The following PDE4D variants were observed in gnomAD, a reference collection of about 807,000 sequenced individuals.
PDE4D encodes 3',5'-cyclic-AMP phosphodiesterase 4D.
In PDE4D, 24 loss-of-function variants were observed where a neutral mutation model predicts 87.4. That is an observed-to-expected ratio of 0.27 (90% CI 0.20 to 0.39). The LOEUF is 0.39. Ranked by LOEUF, PDE4D falls within the 10% of genes least tolerant of loss-of-function variation. The pLI, the probability that PDE4D is intolerant of heterozygous loss-of-function variation, is 1.00. For missense variants in PDE4D, 714 were observed against 1,041.0 expected, an observed-to-expected ratio of 0.69 and a Z score of 4.32; for synonymous variants, 384 against 383.2, an observed-to-expected ratio of 1.00 and a Z score of -0.02.
At chr5:59,215,589 T>G (rs969898649) in intron 2 of PDE4D, 188 bp downstream of exon 2, 5 of 528,156 alleles carry the variant, frequency 9.5e-6, no homozygotes, top group South Asian at 2.0e-5. Flanking sequence ...GTGTGTGTGT[T>G]AATCAAGAGT....
In PDE4D at chr5:59,270,067, G is replaced by T. The variant is rs71626147; in HGVS notation, c.456-54099C>A. ...GACTTTAAAGAGTAAACCTATCTGTGATCCACTCTGTGTCTTTCTAGTTAT... is the reference window on the plus strand; with the variant it reads ...GACTTTAAAGAGTAAACCTATCTGTTATCCACTCTGTGTCTTTCTAGTTAT... On this transcript the variant is annotated intron_variant, in intron 1 of 14. Transcript: ENST00000340635. 9.9e-3 allele frequency among the ~76,000 whole-genome samples: 1,509 copies of T among 152,132 alleles called. 9 individuals are homozygous for T. Among genetic ancestry groups the T allele is most frequent in the Non-Finnish European group, 0.016 (1,054 of 67,990 alleles).
intron 1 of PDE4D, among the ~76,000 whole-genome samples, chr5:60,426,230 C>T (rs979676580): frequency 6.6e-6 from 1 of 152,128 alleles, no homozygotes; most frequent in African/African-American, 2.4e-5. Context: ...GACATGCACA[C>T]GTATGTCTAT....
intron 1 of PDE4D, among the ~76,000 whole-genome samples, chr5:59,487,311 A>G (rs1265849590): frequency 6.6e-6 from 1 of 152,186 alleles, no homozygotes; most frequent in Non-Finnish European, 1.5e-5. Flanking sequence ...CAGGGGAGGA[A>G]TTTCAAGTTG....
chr5:59,257,138 T>C (rs938444369), intron 1 of PDE4D, among the ~76,000 whole-genome samples: 3 of 152,084 alleles, frequency 2.0e-5, no homozygotes, highest in African/African-American at 4.8e-5. Flanking sequence ...CTTTTGGTTG[T>C]TATTGTTGCT....
intron 1 of PDE4D, among the ~76,000 whole-genome samples, chr5:59,353,158 T>A (rs1780796833): frequency 6.6e-6 from 1 of 152,180 alleles, no homozygotes; most frequent in Admixed American, 6.5e-5. Flanking sequence ...TCCTTGTGAT[T>A]TGTTCTCTTT....
chr5:59,464,862 A>G (rs1410022475), intron 1 of PDE4D, among the ~76,000 whole-genome samples: 2 of 152,196 alleles, frequency 1.3e-5, no homozygotes, highest in African/African-American at 4.8e-5. Flanking sequence ...TTGAATTTCT[A>G]TATTCTGGCA....
At chr5:59,245,258 T>C (rs1198841184) in intron 1 of PDE4D, among the ~76,000 whole-genome samples, 2 of 152,072 alleles carry the variant, frequency 1.3e-5, no homozygotes, top group Non-Finnish European at 2.9e-5. Flanking sequence ...ACAGGCAATA[T>C]CAGCTTCCTC....
intron 2 of PDE4D, among the ~76,000 whole-genome samples, chr5:60,153,775 A>T (rs1781725185): frequency 6.6e-6 from 1 of 152,218 alleles, no homozygotes; most frequent in Non-Finnish European, 1.5e-5. Flanking sequence ...AGGGAAAAAA[A>T]CATGGCATGA....
intron 1 of PDE4D, among the ~76,000 whole-genome samples, chr5:60,198,256 C>T (rs527815110): frequency 6.8e-6 from 1 of 147,118 alleles, no homozygotes; most frequent in African/African-American, 2.4e-5. Context: ...TGTTTTAATT[C>T]CTTTGTTCTT....
intron 1 of PDE4D, among the ~76,000 whole-genome samples, chr5:60,300,530 T>G (rs1753801522): frequency 6.6e-6 from 1 of 152,220 alleles, no homozygotes; most frequent in Admixed American, 6.5e-5. Context: ...TTTATGGTTT[T>G]GGGTTTTACA....
chr5:59,949,587 G>T (rs1002297192), intron 3 of PDE4D, among the ~76,000 whole-genome samples: 1 of 152,136 alleles, frequency 6.6e-6, no homozygotes, highest in African/African-American at 2.4e-5. Flanking sequence ...CCCATTCCTT[G>T]ACTGCCTCTA....
chr5:60,222,517 A>C (rs142753867), intron 1 of PDE4D, among the ~76,000 whole-genome samples: 1 of 152,170 alleles, frequency 6.6e-6, no homozygotes, highest in East Asian at 1.9e-4. Flanking sequence ...TTAGGAATAG[A>C]ATTTATAGAT....
intron 1 of PDE4D, among the ~76,000 whole-genome samples, chr5:59,600,470 A>G (rs1336667422): frequency 6.6e-6 from 1 of 152,112 alleles, no homozygotes; most frequent in African/African-American, 2.4e-5. Context: ...TTAATAACCT[A>G]CCCTGGAATA....
chr5:59,854,278 T>G (rs1271761137), intron 1 of PDE4D, among the ~76,000 whole-genome samples: 2 of 144,654 alleles, frequency 1.4e-5, no homozygotes, highest in East Asian at 3.9e-4. Context: ...TCATGTTATC[T>G]TGACATTTTT....
intron 1 of PDE4D, among the ~76,000 whole-genome samples, chr5:59,727,362 T>C (rs1337185893): frequency 6.6e-6 from 1 of 152,130 alleles, no homozygotes; most frequent in Non-Finnish European, 1.5e-5. Flanking sequence ...GAAATAGATT[T>C]TCCCAGCAAT....
At chr5:60,331,852 T>C (rs948454690) in intron 1 of PDE4D, among the ~76,000 whole-genome samples, 1 of 152,220 alleles carries the variant, frequency 6.6e-6, no homozygotes, top group Non-Finnish European at 1.5e-5. Flanking sequence ...ATTGTGTTTC[T>C]ACAACAATCA....
intron 1 of PDE4D, among the ~76,000 whole-genome samples, chr5:59,503,909 TTTC>T (rs1299615738): frequency 2.0e-5 from 3 of 152,018 alleles, no homozygotes; most frequent in Non-Finnish European, 4.4e-5. Context: ...TCTTATAATA[TTTC>T]TTATCTGTTA....
At chr5:59,301,048 AC>A (rs1256528018) in intron 1 of PDE4D, among the ~76,000 whole-genome samples, 2 of 152,076 alleles carry the variant, frequency 1.3e-5, no homozygotes, top group African/African-American at 4.8e-5. Context: ...GGCTGTGCCA[AC>A]CTCCATGAAA....
At chr5:60,024,873 T>C (rs1030915282) in intron 2 of PDE4D, among the ~76,000 whole-genome samples, 1 of 148,262 alleles carries the variant, frequency 6.7e-6, no homozygotes, top group Non-Finnish European at 1.5e-5. Flanking sequence ...TTATGAGCAA[T>C]GCTTCAAACG....
Sources: gnomAD v4.1 joint callset for allele counts (sites outside exome capture counted in the v4.1 genomes callset) on GRCh38, gnomAD v4.1.1 for gene constraint, MANE v1.5 for transcripts, NCBI Gene and HGNC (gene_info 2026-07-23, HGNC 2026-07-21) for gene names.